NTRK3: variants seen among roughly 807,000 people sequenced by gnomAD.
NTRK3 encodes the protein NT-3 growth factor receptor.
A neutral mutation model predicts 91.7 loss-of-function variants in NTRK3; 24 were observed. The observed-to-expected ratio is 0.26, with a 90% CI of 0.19 to 0.37. The LOEUF is 0.37. NTRK3 is among the 10% of genes least tolerant of loss of function. NTRK3 has a pLI of 1.00. For synonymous variants in NTRK3, 483 were observed against 404.0 expected (o/e 1.20, Z -2.34); for missense variants, 880 against 1,068.9 (o/e 0.82, Z 2.46).
At chr15:87,934,949 C>T (rs942073226) in intron 15 of NTRK3, among the ~76,000 whole-genome samples, 1 of 152,116 alleles carries the variant, frequency 6.6e-6, no homozygotes, top group African/African-American at 2.4e-5. Context: ...AAAAATACTG[C>T]TTGATTAAAT....
intron 10 of NTRK3, among the ~76,000 whole-genome samples, chr15:88,128,939 A>G (rs2151133528): frequency 6.6e-6 from 1 of 152,264 alleles, no homozygotes; most frequent in South Asian, 2.1e-4. Flanking sequence ...TGGAGAAGGA[A>G]TGAGAGATAA....
chr15:88,109,237 G>A (rs2051055467), intron 13 of NTRK3, among the ~76,000 whole-genome samples: 1 of 152,212 alleles, frequency 6.6e-6, no homozygotes, highest in Non-Finnish European at 1.5e-5. Flanking sequence ...CAGTGGACAG[G>A]TGCAGTAGCC....
At chr15:88,173,719 C>T (rs1454749926) in intron 5 of NTRK3, among the ~76,000 whole-genome samples, 4 of 152,230 alleles carry the variant, frequency 2.6e-5, no homozygotes, top group African/African-American at 7.2e-5. Context: ...CTGAAGCCTA[C>T]TGCCTCCCTC....
At chr15:87,863,426 C>A (rs1374125989) in exon 19 of NTRK3, 1 of 224,614 alleles carries the variant, frequency 4.5e-6, no homozygotes, top group Non-Finnish European at 8.9e-6. Context: ...AATTTACACT[C>A]TGGGATGCGA....
At chr15:88,187,328 C>T (rs1442136681) in intron 3 of NTRK3, among the ~76,000 whole-genome samples, 1 of 152,058 alleles carries the variant, frequency 6.6e-6, no homozygotes, top group Non-Finnish European at 1.5e-5. Flanking sequence ...CGAGGAAGAG[C>T]AAGAGGATGA....
intron 13 of NTRK3, among the ~76,000 whole-genome samples, chr15:88,086,871 C>A (rs931697019): frequency 2.6e-5 from 4 of 152,188 alleles, no homozygotes; most frequent in Non-Finnish European, 5.9e-5. Context: ...ACCCTCCATG[C>A]CTGAAGGAGG....
chr15:88,206,564 A>T (rs2048797410), intron 3 of NTRK3, among the ~76,000 whole-genome samples: 1 of 145,158 alleles, frequency 6.9e-6, no homozygotes, highest in African/African-American at 2.5e-5. Context: ...AGGCTGAGGC[A>T]GGAGAATGGC....
chr15:88,144,527 G>T (rs2042701840), intron 6 of NTRK3, among the ~76,000 whole-genome samples: 1 of 152,176 alleles, frequency 6.6e-6, no homozygotes, highest in African/African-American at 2.4e-5. Flanking sequence ...GGCCGAGCAT[G>T]TAGGGTGTGT....
intron 7 of NTRK3, 114 bp downstream of exon 7, chr15:88,137,289 TG>T: frequency 8.1e-7 from 1 of 1,228,046 alleles, no homozygotes. Flanking sequence ...AGTTCAAGGC[TG>T]GGAGGGCGTT....
intron 13 of NTRK3, among the ~76,000 whole-genome samples, chr15:88,074,909 T>C (rs186773855): frequency 4.9e-4 from 74 of 152,252 alleles, no homozygotes; most frequent in Admixed American, 4.8e-3. Context: ...CTATGATAGT[T>C]ATTGGAATCA....
At chr15:88,006,298 AGG>A (rs1359010713) in intron 14 of NTRK3, among the ~76,000 whole-genome samples, 1 of 152,208 alleles carries the variant, frequency 6.6e-6, no homozygotes, top group Non-Finnish European at 1.5e-5. Context: ...TAAATTACAC[AGG>A]GATGAAACTT....
chr15:88,238,840 C>A (rs1354587502), intron 3 of NTRK3, among the ~76,000 whole-genome samples: 1 of 152,220 alleles, frequency 6.6e-6, no homozygotes, highest in Non-Finnish European at 1.5e-5. Context: ...TGCTCTTGCA[C>A]ACACTTCTGC....
At chr15:88,147,513 T>C (rs1345790151) in intron 5 of NTRK3, 110 bp from the exon 6 acceptor site, 2 of 297,474 alleles carry the variant, frequency 6.7e-6, no homozygotes, top group Non-Finnish European at 1.1e-5. Flanking sequence ...TTCCTTCTTC[T>C]TCTTCTTCTT....
intron 13 of NTRK3, among the ~76,000 whole-genome samples, chr15:88,123,441 G>A (rs543356530): frequency 5.9e-5 from 9 of 151,626 alleles, no homozygotes; most frequent in Non-Finnish European, 1.2e-4. Flanking sequence ...ATCCAAGACT[G>A]TGATGCTCGC....
At chr15:88,017,653 C>A (rs1473772217) in intron 14 of NTRK3, among the ~76,000 whole-genome samples, 1 of 152,110 alleles carries the variant, frequency 6.6e-6, no homozygotes, top group African/African-American at 2.4e-5. Flanking sequence ...CTAGCCACCC[C>A]ACCCAGCACA....
intron 14 of NTRK3, among the ~76,000 whole-genome samples, chr15:87,999,575 T>C (rs1371357456): frequency 6.6e-6 from 1 of 152,218 alleles, no homozygotes; most frequent in East Asian, 1.9e-4. Context: ...TTATTTCCCA[T>C]GCATCGAGCC....
intron 13 of NTRK3, among the ~76,000 whole-genome samples, chr15:88,042,873 C>T (rs1292100046): frequency 2.0e-5 from 3 of 152,312 alleles, no homozygotes; most frequent in South Asian, 2.1e-4. Flanking sequence ...AACAGATCCA[C>T]GTCTATCTGA....
At chr15:88,052,645 T>C (rs574791216) in intron 13 of NTRK3, among the ~76,000 whole-genome samples, 10 of 152,234 alleles carry the variant, frequency 6.6e-5, no homozygotes, top group African/African-American at 2.2e-4. Context: ...GTTAATAGAT[T>C]TATTATAATA....
chr15:88,135,017 C>T, intron 10 of NTRK3, 84 bp downstream of exon 10: 5 of 1,504,194 alleles, frequency 3.3e-6, no homozygotes, highest in Non-Finnish European at 4.6e-6. Flanking sequence ...ACTGATGCTG[C>T]TTCTCCTCTC....
Sources: allele counts gnomAD v4.1 joint callset (sites outside exome capture counted in the v4.1 genomes callset), GRCh38; gene constraint gnomAD v4.1.1; transcripts MANE v1.5; gene names NCBI Gene and HGNC (gene_info 2026-07-23, HGNC 2026-07-21).